The following KCNIP1 variants were observed in gnomAD, a reference collection of about 807,000 sequenced individuals.
KCNIP1 encodes the protein A-type potassium channel modulatory protein KCNIP1.
Under a neutral mutation model 33.0 loss-of-function variants are expected in KCNIP1, and 18 were observed. That is an observed-to-expected ratio of 0.55 (90% CI 0.38 to 0.81). KCNIP1 has a LOEUF of 0.81. Ranked by LOEUF, KCNIP1 falls within the 30% of genes least tolerant of loss-of-function variation. KCNIP1 has a pLI of 0.00. For missense variants in KCNIP1, 238 were observed against 271.6 expected, an observed-to-expected ratio of 0.88 and a Z score of 0.87; for synonymous variants, 93 against 98.3, an observed-to-expected ratio of 0.95 and a Z score of 0.32.
upstream of KCNIP1, among the ~76,000 whole-genome samples, chr5:170,503,746 A>ACG (rs1421362966): frequency 6.9e-5 from 10 of 144,166 alleles, no homozygotes; most frequent in Non-Finnish European, 1.3e-4. Context: ...ACACACACAC[A>ACG]CACACACACA....
chr5:170,520,888 G>C (rs1287060287), intron 1 of KCNIP1, among the ~76,000 whole-genome samples: 2 of 152,150 alleles, frequency 1.3e-5, no homozygotes, highest in African/African-American at 2.4e-5. Context: ...TGCCTTTCTC[G>C]GGCGTGTGGC....
Position 170,383,678 on chromosome 5 carries a change from C to T in KCNIP1, c.88+29714C>T, listed in dbSNP as rs1051684257. The T allele has an allele frequency of 2.5e-6, 4 of 1,614,114 alleles. No homozygotes were observed. In the Admixed American group the frequency reaches 5.0e-5, roughly 20 times the overall value. ...GTGTCCCCATCCCTCCAGTTCAGTA[C>T]CTGCTGGTTCTGGTCCCGAGTGTCC... On this transcript the variant is annotated intron_variant, in intron 1 of 7. Coordinates refer to the KCNIP1 transcript ENST00000377360.
intron 1 of KCNIP1, among the ~76,000 whole-genome samples, chr5:170,618,330 TC>T (rs1035733338): frequency 6.8e-6 from 1 of 147,960 alleles, no homozygotes; most frequent in African/African-American, 2.5e-5. Context: ...CAAAGTCATG[TC>T]CCCCATGACT....
intron 1 of KCNIP1, among the ~76,000 whole-genome samples, chr5:170,615,151 T>G (rs1229856658): frequency 4.0e-5 from 6 of 151,676 alleles, no homozygotes; most frequent in Non-Finnish European, 4.4e-5. Context: ...GGAGGTGGAG[T>G]TTGCAGTGCG....
chr5:170,383,275 T>G, intron 1 of KCNIP1: 5 of 374,404 alleles, frequency 1.3e-5, no homozygotes, highest in East Asian at 4.8e-5. Flanking sequence ...TGGTCCCTCA[T>G]TTGACTGAGG....
At chr5:170,463,214 C>T (rs966490147) in intron 1 of KCNIP1, among the ~76,000 whole-genome samples, 1 of 152,106 alleles carries the variant, frequency 6.6e-6, no homozygotes, top group African/African-American at 2.4e-5. Flanking sequence ...AGCTTAAGCC[C>T]AGACAGCTTC....
intron 4 of KCNIP1, 71 bp from the exon 5 acceptor site, chr5:170,722,642 A>T: frequency 9.6e-7 from 1 of 1,038,792 alleles, no homozygotes; most frequent in Non-Finnish European, 1.5e-6. Flanking sequence ...TCACAGTCTG[A>T]CCCAAAGACA....
Position 170,722,706 on chromosome 5 carries a change from T to G in KCNIP1, c.328-7T>G. The G allele has an allele frequency of 6.3e-7, 1 of 1,597,686 alleles. No individual in the cohort carries two copies. Among genetic ancestry groups the G allele is most frequent in the Non-Finnish European group, 8.6e-7 (1 of 1,165,098 alleles). Reference sequence around the variant, plus strand: ...GTTAATGTCACTCTGCCTTTTCCCCTTCTCAGGACTTTGTAACCGCTCTGT... The same window carrying G: ...GTTAATGTCACTCTGCCTTTTCCCCGTCTCAGGACTTTGTAACCGCTCTGT... On this transcript the variant is annotated splice_region_variant and splice_polypyrimidine_tract_variant and intron_variant, in intron 4 of 7. Coordinates refer to ENST00000328939, the MANE Select transcript of KCNIP1 (RefSeq NM_014592.4).
intron 1 of KCNIP1, among the ~76,000 whole-genome samples, chr5:170,515,026 C>A (rs1028170540): frequency 4.6e-5 from 7 of 152,038 alleles, no homozygotes; most frequent in African/African-American, 1.7e-4. Flanking sequence ...GGCACTGATC[C>A]CCCTATTTTA....
chr5:170,534,467 G>T lies in KCNIP1; in HGVS notation c.61+29834G>T, dbSNP rs557072189. On this transcript the variant is annotated intron_variant, in intron 1 of 7. Coordinates refer to ENST00000328939, the MANE Select transcript of KCNIP1 (RefSeq NM_014592.4). ...AAAAAAAGAAGGAAGAGAGGGAGAG[G>T]GAGAAGGAGGAGGAGGAGGAGGAGG... is the stretch of plus-strand genomic sequence containing the variant. Among the ~76,000 whole-genome samples the T allele has an allele frequency of 4.7e-5, 6 of 126,902 alleles. No homozygotes were observed. In the South Asian group the frequency reaches 9.3e-4, roughly 20 times the overall value. The allele number at this position is 126,902 out of a possible 152,430, so 83.3% of individuals were successfully genotyped here.
At chr5:170,507,242 G>T (rs1249084427) in intron 1 of KCNIP1, among the ~76,000 whole-genome samples, 1 of 152,166 alleles carries the variant, frequency 6.6e-6, no homozygotes, top group Non-Finnish European at 1.5e-5. Flanking sequence ...TCAAATTCAG[G>T]CTCTGCCACT....
At chr5:170,568,605 A>C (rs1757283036) in intron 1 of KCNIP1, among the ~76,000 whole-genome samples, 1 of 140,136 alleles carries the variant, frequency 7.1e-6, no homozygotes, top group Non-Finnish European at 1.5e-5. Flanking sequence ...CTGAGGTCAG[A>C]GTTTGAGACT....
At chr5:170,537,830 C>T (rs1756053050) in intron 1 of KCNIP1, among the ~76,000 whole-genome samples, 1 of 152,240 alleles carries the variant, frequency 6.6e-6, no homozygotes, top group South Asian at 2.1e-4. Context: ...TGTGCTTTCC[C>T]ACTCTCTCCC....
At chr5:170,378,604 G>T (rs767066828) in intron 1 of KCNIP1, 1 of 1,224,098 alleles carries the variant, frequency 8.2e-7, no homozygotes, top group Non-Finnish European at 1.1e-6. Flanking sequence ...AAGAGTGGGA[G>T]GGCAGGTGGA....
chr5:170,682,097 A>G lies in KCNIP1; in HGVS notation c.62-36661A>G, dbSNP rs1762370768. On this transcript the variant is annotated intron_variant, in intron 1 of 7. Transcript: ENST00000328939. ...TGACAAAACCGTACATAATAATGAA[A>G]TGCATTTGTAGACAAAGGACTAGCT... 3.3e-5 allele frequency among the ~76,000 whole-genome samples: 5 copies of G among 152,362 alleles called. No homozygotes were observed. The South Asian group carries it at 8.3e-4, about 25-fold the overall frequency.
At chr5:170,353,641 A>C in exon 1 of KCNIP1, 1 of 580,392 alleles carries the variant, frequency 1.7e-6, no homozygotes, top group South Asian at 2.0e-5. Flanking sequence ...GTGAGGACTT[A>C]AGTGGACAGC....
chr5:170,667,051 C>T (rs527470024), intron 1 of KCNIP1, among the ~76,000 whole-genome samples: 2 of 152,342 alleles, frequency 1.3e-5, no homozygotes, highest in East Asian at 1.9e-4. Flanking sequence ...TGGTGGCTCA[C>T]GCCTATAATC....
chr5:170,462,285 A>AC (rs142495700), intron 1 of KCNIP1, among the ~76,000 whole-genome samples: 6 of 149,424 alleles, frequency 4.0e-5, no homozygotes, highest in African/African-American at 1.2e-4. Flanking sequence ...AAAAAAAAAA[A>AC]CTACCAAAAA....
At chr5:170,621,697 C>A (rs1469256271) in intron 1 of KCNIP1, among the ~76,000 whole-genome samples, 1 of 152,114 alleles carries the variant, frequency 6.6e-6, no homozygotes, top group Non-Finnish European at 1.5e-5. Context: ...TTTGTAGAGA[C>A]AGGGTCTCAC....
Sources: gnomAD v4.1 joint callset for allele counts (sites outside exome capture counted in the v4.1 genomes callset) on GRCh38, gnomAD v4.1.1 for gene constraint, MANE v1.5 for transcripts, NCBI Gene and HGNC (gene_info 2026-07-23, HGNC 2026-07-21) for gene names.